The following CAPZA2 variants were observed in gnomAD, a reference collection of about 807,000 sequenced individuals.
CAPZA2 encodes the protein F-actin-capping protein subunit alpha-2.
A neutral mutation model predicts 44.0 loss-of-function variants in CAPZA2; 13 were observed. The observed-to-expected ratio is 0.30, with a 90% confidence interval of 0.19 to 0.47. The LOEUF is 0.47. Ranked by LOEUF, CAPZA2 falls within the 20% of genes least tolerant of loss-of-function variation. CAPZA2 has a pLI of 1.00. For missense variants in CAPZA2, 244 were observed against 338.6 expected, an observed-to-expected ratio of 0.72 and a Z score of 2.19; for synonymous variants, 94 against 108.2, an observed-to-expected ratio of 0.87 and a Z score of 0.81.
At chr7:116,869,766 G>C (rs1796527075) in intron 1 of CAPZA2, among the ~76,000 whole-genome samples, 1 of 152,256 alleles carries the variant, frequency 6.6e-6, no homozygotes, top group Non-Finnish European at 1.5e-5. Flanking sequence ...GCTCAGGGAA[G>C]TAATTTAGCG....
intron 1 of CAPZA2, among the ~76,000 whole-genome samples, chr7:116,886,391 A>G (rs1009957095): frequency 8.5e-5 from 13 of 152,324 alleles, no homozygotes; most frequent in Non-Finnish European, 1.6e-4. Flanking sequence ...CTAACTAGGA[A>G]CATCTTCATT....
intron 1 of CAPZA2, among the ~76,000 whole-genome samples, chr7:116,866,572 TTGAAATTGTA>T (rs1796486860): frequency 6.6e-6 from 1 of 152,212 alleles, no homozygotes. Context: ...TTTTGTGAAT[TTGAAATTGTA>T]TGAAATTATG....
At chr7:116,911,378 C>G (rs1791594409) in intron 7 of CAPZA2, among the ~76,000 whole-genome samples, 2 of 152,166 alleles carry the variant, frequency 1.3e-5, no homozygotes, top group African/African-American at 4.8e-5. Context: ...GTAGTACACT[C>G]TCATCTGCCA....
At chr7:116,880,397 GT>G (rs1302635563) in intron 1 of CAPZA2, among the ~76,000 whole-genome samples, 1 of 151,908 alleles carries the variant, frequency 6.6e-6, no homozygotes, top group Non-Finnish European at 1.5e-5. Context: ...ACTAGAATTT[GT>G]TTTTGTTTTT....
At position 116,912,069 on chromosome 7, in the gene CAPZA2, G is replaced by A; in HGVS notation, c.586G>A (p.Val196Ile). The A allele has an allele frequency of 1.2e-6, 2 of 1,612,168 alleles. No individual in the cohort carries two copies. The highest frequency in any genetic ancestry group is 1.7e-6 in the Non-Finnish European group (2 of 1,178,878). ...TQVVGILKIQ[V>I]HYYEDGNVQL... ...TTTCTGTAATTTCTTTTTCTAATAG[G>A]TTCATTATTATGAAGATGGTAATGT... Residue 196 changes from valine to isoleucine, a missense_variant and splice_region_variant, in exon 8 of 10, where the codon GTT becomes ATT. Coordinates refer to ENST00000361183, the MANE Select transcript of CAPZA2 (RefSeq NM_006136.3).
rs73473228 is a variant in CAPZA2, at chr7:116,919,036, T to C, written c.*1169T>C. 1.0e-3 allele frequency: 157 copies of C among 152,178 alleles called. No individual in the cohort carries two copies. Among genetic ancestry groups the C allele is most frequent in the African/African-American group, 3.6e-3 (150 of 41,562 alleles). 9.4% of individuals were successfully genotyped at this position (152,178 alleles called of 1,614,324 possible). A position where few individuals can be genotyped will look rare whatever the true frequency, so the allele number is the denominator to read the frequency against. On this transcript the variant is annotated 3_prime_UTR_variant, in exon 10 of 10. Transcript: ENST00000361183. ...GCTGATTATACTTGAGTGGAATCCT[T>C]TCCTCACGTACTCCCACAGACGTCT...
intron 1 of CAPZA2, among the ~76,000 whole-genome samples, chr7:116,878,578 G>A (rs557293324): frequency 6.6e-6 from 1 of 152,270 alleles, no homozygotes; most frequent in South Asian, 2.1e-4. Flanking sequence ...CTTTACTTAT[G>A]TAAAGCCCCA....
At chr7:116,913,799 G>A (rs1384317704) in intron 8 of CAPZA2, among the ~76,000 whole-genome samples, 3 of 125,250 alleles carry the variant, frequency 2.4e-5, no homozygotes, top group Admixed American at 8.7e-5. Flanking sequence ...TTTTTTGGTA[G>A]AGATGGGGTT....
chr7:116,914,025 A>ATTTTTT (rs71148344), intron 8 of CAPZA2, among the ~76,000 whole-genome samples: 2 of 131,950 alleles, frequency 1.5e-5, no homozygotes, highest in African/African-American at 2.7e-5. Flanking sequence ...ATTAAAGAAA[A>ATTTTTT]TTTTTTTTTT....
intron 4 of CAPZA2, among the ~76,000 whole-genome samples, chr7:116,900,529 G>A (rs547950718): frequency 1.3e-5 from 2 of 152,022 alleles, no homozygotes; most frequent in African/African-American, 4.8e-5. Context: ...TAGAAATGGT[G>A]GGGGTCAGAG....
chr7:116,882,124 G>A (rs754801863), intron 1 of CAPZA2, among the ~76,000 whole-genome samples: 25 of 152,134 alleles, frequency 1.6e-4, no homozygotes, highest in Non-Finnish European at 3.1e-4. Context: ...GGTGTATGGC[G>A]AGTTTCCTCA....
intron 6 of CAPZA2, 184 bp from the exon 7 acceptor site, chr7:116,910,049 A>C: frequency 1.7e-6 from 1 of 578,868 alleles, no homozygotes; most frequent in East Asian, 3.0e-5. Context: ...GTGAAAATTA[A>C]ATATGTATCA....
intron 3 of CAPZA2, among the ~76,000 whole-genome samples, chr7:116,896,227 G>A (rs1229781229): frequency 6.6e-6 from 1 of 151,794 alleles, no homozygotes; most frequent in Non-Finnish European, 1.5e-5. Context: ...TTATTCTTTA[G>A]AGTGGTTGTA....
intron 2 of CAPZA2, among the ~76,000 whole-genome samples, chr7:116,890,858 A>C (rs1796838248): frequency 1.3e-5 from 2 of 149,882 alleles, no homozygotes; most frequent in African/African-American, 4.9e-5. Flanking sequence ...ATTATTTTCT[A>C]TTTTTATTGA....
At chr7:116,884,991 T>A (rs1043561386) in intron 1 of CAPZA2, among the ~76,000 whole-genome samples, 1 of 152,242 alleles carries the variant, frequency 6.6e-6, no homozygotes, top group African/African-American at 2.4e-5. Flanking sequence ...CTCTACTGAC[T>A]AATGATATTA....
intron 7 of CAPZA2, 43 bp from the exon 8 acceptor site, chr7:116,912,026 A>T (rs1791603857): frequency 6.2e-7 from 1 of 1,607,020 alleles, no homozygotes; most frequent in Non-Finnish European, 8.5e-7. Context: ...AAGGTTCTTG[A>T]TGATTCCTGT....
At chr7:116,883,847 A>G (rs1166064843) in intron 1 of CAPZA2, among the ~76,000 whole-genome samples, 1 of 152,248 alleles carries the variant, frequency 6.6e-6, no homozygotes, top group East Asian at 1.9e-4. Context: ...ATTACTAAAT[A>G]TGCTATATGT....
chr7:116,904,534 A>G, intron 5 of CAPZA2, 151 bp downstream of exon 5: 1 of 595,602 alleles, frequency 1.7e-6, no homozygotes, highest in Non-Finnish European at 3.0e-6. Context: ...TATTTTTTCA[A>G]GAAATTCTGG....
intron 2 of CAPZA2, among the ~76,000 whole-genome samples, chr7:116,889,852 TGTA>T (rs1248075331): frequency 1.3e-5 from 2 of 152,226 alleles, no homozygotes; most frequent in Admixed American, 1.3e-4. Context: ...CAAAATCTCA[TGTA>T]GTGAACTAGG....
Sources: allele counts gnomAD v4.1 joint callset (sites outside exome capture counted in the v4.1 genomes callset), GRCh38; gene constraint gnomAD v4.1.1; transcripts MANE v1.5; gene names NCBI Gene and HGNC (gene_info 2026-07-23, HGNC 2026-07-21).